Variants in EGLN1 observed in about 807,000 individuals in gnomAD.
EGLN1 encodes the protein egl-9 family hypoxia inducible factor 1, also known as egl nine homolog 1.
EGLN1 carries 17 observed loss-of-function variants against 38.3 expected under a neutral mutation model. The ratio of observed to expected loss-of-function variants is 0.44; its 90% CI spans 0.30 to 0.67. The LOEUF (loss-of-function observed/expected upper bound fraction) is 0.67, where lower values mean the gene tolerates loss of function less well. EGLN1 is among the 30% of genes least tolerant of loss of function. The pLI, the probability that EGLN1 is intolerant of heterozygous loss-of-function variation, is 0.08. For synonymous variants in EGLN1, 283 were observed against 257.5 expected (o/e 1.10, Z -0.95); for missense variants, 477 against 603.3 (o/e 0.79, Z 2.19).
rs1438472445 is a variant in EGLN1 at position 231,366,407 on chromosome 1, G to A, written c.*4C>T. 3.7e-6 allele frequency: 6 copies of A among 1,613,820 alleles called. No homozygotes were observed. Among genetic ancestry groups the A allele is most frequent in the Middle Eastern group, 1.7e-4 (1 of 6,024 alleles). On this transcript the variant is annotated 3_prime_UTR_variant, in exon 5 of 5. Transcript: ENST00000366641. The stretch of plus-strand genomic sequence containing the variant: ...TGAAGTGGGGTATTGCTGGATCAAA[G>A]GCTCTAGAAGACGTCTTTACCGACC...
At position 231,411,490 on chromosome 1, in the gene EGLN1, G is replaced by T. The variant is rs549573977; in HGVS notation, c.891+9508C>A. Among the ~76,000 whole-genome samples, 4 of 152,224 alleles carry T rather than the reference G, an allele frequency of 2.6e-5. No individual in the cohort carries two copies. In the East Asian group the frequency reaches 7.7e-4, roughly 29 times the overall value. ...TTAGTCCTTTTCAATTTACTTCTTA[G>T]ATTTGACATTTCCTATTAAGGTGTT... On this transcript the variant is annotated intron_variant, in intron 1 of 4. Coordinates refer to ENST00000366641, the MANE Select transcript of EGLN1 (RefSeq NM_022051.3).
chr1:231,386,731 G>A (rs1051914579), intron 1 of EGLN1, among the ~76,000 whole-genome samples: 5 of 152,216 alleles, frequency 3.3e-5, no homozygotes, highest in Admixed American at 2.6e-4. Flanking sequence ...TACCTTGAGA[G>A]AACAGAGATG....
intron 4 of EGLN1, 36 bp from the exon 5 acceptor site, chr1:231,366,511 C>G (rs1687651994): frequency 6.3e-7 from 1 of 1,590,560 alleles, no homozygotes; most frequent in African/African-American, 1.3e-5. Flanking sequence ...TTCATTCATT[C>G]ACTAAGCACC....
chr1:231,410,040 T>TTAAAG (rs1572048392), intron 1 of EGLN1, among the ~76,000 whole-genome samples: 1 of 152,034 alleles, frequency 6.6e-6, no homozygotes, highest in Non-Finnish European at 1.5e-5. Context: ...AAACCACAGA[T>TTAAAG]CATAAAGAAT....
chr1:231,366,173 T>G lies in EGLN1; in HGVS notation c.*238A>C. 1 of 561,176 alleles carries G rather than the reference T, an allele frequency of 1.8e-6. No individual in the cohort carries two copies. Among genetic ancestry groups the G allele is most frequent in the Non-Finnish European group, 3.1e-6 (1 of 317,526 alleles). The allele number at this position is 561,176 out of a possible 1,614,324, so 34.8% of individuals were successfully genotyped here. A position where few individuals can be genotyped will look rare whatever the true frequency, so the allele number is the denominator to read the frequency against. On this transcript the variant is annotated 3_prime_UTR_variant, in exon 5 of 5. Transcript: ENST00000366641. ...TTTCATATCCAGATGTAAAAACCAT[T>G]TTCAATTAGTAGCTTATCTTCCTCC...
chr1:231,391,063 T>TGTGTGTGAGA (rs143905935), intron 1 of EGLN1, among the ~76,000 whole-genome samples: 2 of 83,074 alleles, frequency 2.4e-5, no homozygotes, highest in African/African-American at 3.6e-5. Flanking sequence ...CGTGTGTGTG[T>TGTGTGTGAGA]GAGACAGGGA....
chr1:231,418,862 CAA>C (rs746584010), intron 1 of EGLN1, among the ~76,000 whole-genome samples: 64 of 94,270 alleles, frequency 6.8e-4, no homozygotes, highest in Admixed American at 8.0e-4. Flanking sequence ...ACCCTGTCTC[CAA>C]AAAAAAAAAA....
chr1:231,406,897 T>C (rs1163802231), intron 1 of EGLN1, among the ~76,000 whole-genome samples: 1 of 152,146 alleles, frequency 6.6e-6, no homozygotes, highest in Non-Finnish European at 1.5e-5. Flanking sequence ...GTTATTTTAT[T>C]ATCACACATG....
chr1:231,417,217 CCTAA>C (rs1398417615), intron 1 of EGLN1, among the ~76,000 whole-genome samples: 10 of 146,712 alleles, frequency 6.8e-5, no homozygotes, highest in African/African-American at 2.6e-4. Context: ...ATCAGCCAGA[CCTAA>C]CTAATTAACT....
rs767045832 is a variant in EGLN1 at position 231,421,367 on chromosome 1, G to T, written c.522C>A (p.Ser174Arg). ...CGTTGGGCCGCAGGCCGCCGCCGGG[G>T]CTCAGCGCATCCCCGGGCGTGTTGC... ...PPSNTPGDAL[S>R]PGGGLRPNGQ... The change falls in exon 1 of 5, where the codon AGC (serine) becomes AGA (arginine). Residue 174 changes from serine to arginine, a missense_variant. Transcript: ENST00000366641. The surrounding 1 kb of genome is among the most constrained non-coding windows in gnomAD (Gnocchi z 5.5). 3 of 1,609,304 alleles carry T rather than the reference G, an allele frequency of 1.9e-6. No individual in the cohort carries two copies. In the South Asian group the frequency reaches 3.3e-5, roughly 18 times the overall value.
At position 231,421,484 on chromosome 1, in the gene EGLN1, G is replaced by C; in HGVS notation, c.405C>G (p.Gly135=). 7.4e-7 allele frequency: 1 copy of C among 1,359,254 alleles called. No homozygotes were observed. The highest frequency in any genetic ancestry group is 9.5e-7 in the Non-Finnish European group (1 of 1,057,854). The allele number at this position is 1,359,254 out of a possible 1,614,324, so 84.2% of individuals were successfully genotyped here. Residue 135 remains glycine, a synonymous_variant, in exon 1 of 5, where the codon GGC becomes GGG. Transcript: ENST00000366641. This position sits in a 1 kb window ranked among gnomAD's most constrained non-coding sequence, Gnocchi z 5.5. ...GCTCGGCTTCGGCAGCCACCGCCGA[G>C]CCCTGGCCGCCGGCGGCCGCACGAC... ...SPCRAAAGGQ[G]SAVAAEAEPG...
intron 1 of EGLN1, among the ~76,000 whole-genome samples, chr1:231,396,300 C>G (rs1196617565): frequency 6.7e-6 from 1 of 149,448 alleles, no homozygotes; most frequent in African/African-American, 2.5e-5. Flanking sequence ...TGTTGCCAGG[C>G]TGGAATGCAG....
At chr1:231,409,172 T>C (rs1292929663) in intron 1 of EGLN1, among the ~76,000 whole-genome samples, 1 of 151,674 alleles carries the variant, frequency 6.6e-6, no homozygotes, top group Non-Finnish European at 1.5e-5. Context: ...CATCATGCTG[T>C]TTCCAGACTT....
chr1:231,399,670 AATC>A (rs1477163905), intron 1 of EGLN1, among the ~76,000 whole-genome samples: 1 of 151,966 alleles, frequency 6.6e-6, no homozygotes, highest in Non-Finnish European at 1.5e-5. Context: ...TTCTCTCAAT[AATC>A]ATGACATAAG....
chr1:231,375,046 G>A (rs1376715028), intron 1 of EGLN1, among the ~76,000 whole-genome samples: 1 of 152,056 alleles, frequency 6.6e-6, no homozygotes, highest in African/African-American at 2.4e-5. Flanking sequence ...GACGTTCAAG[G>A]TTATGAGCTA....
At chr1:231,390,304 G>GT (rs1688333587) in intron 1 of EGLN1, among the ~76,000 whole-genome samples, 1 of 152,154 alleles carries the variant, frequency 6.6e-6, no homozygotes, top group African/African-American at 2.4e-5. Context: ...CCTCACAGGG[G>GT]TATGAATCAA....
intron 1 of EGLN1, among the ~76,000 whole-genome samples, chr1:231,411,979 T>G (rs565130121): frequency 4.6e-5 from 5 of 109,034 alleles, no homozygotes; most frequent in African/African-American, 1.8e-4. Context: ...GCCATTGCAC[T>G]ACAGCCTGGG....
At chr1:231,406,986 A>G (rs1047015557) in intron 1 of EGLN1, among the ~76,000 whole-genome samples, 2 of 152,136 alleles carry the variant, frequency 1.3e-5, no homozygotes, top group African/African-American at 4.8e-5. Flanking sequence ...AACTACAACC[A>G]CTCTTTGCAC....
chr1:231,418,166 G>C (rs777305289), intron 1 of EGLN1, among the ~76,000 whole-genome samples: 11 of 152,142 alleles, frequency 7.2e-5, no homozygotes, highest in Non-Finnish European at 1.3e-4. Context: ...ACCATATTCT[G>C]ACATCTGTTA....
Sources: gnomAD v4.1 joint callset for allele counts (sites outside exome capture counted in the v4.1 genomes callset) on GRCh38, gnomAD v4.1.1 for gene constraint, Gnocchi (gnomAD v3.1) non-coding constraint, MANE v1.5 for transcripts, NCBI Gene and HGNC (gene_info 2026-07-23, HGNC 2026-07-21) for gene names.